Variants in AP1G1 observed in about 807,000 individuals in gnomAD.
AP1G1 encodes AP-1 complex subunit gamma-1.
AP1G1 carries 7 observed loss-of-function variants against 108.3 expected under a neutral mutation model. The ratio of observed to expected loss-of-function variants is 0.06; its 90% CI spans 0.04 to 0.12. The LOEUF (loss-of-function observed/expected upper bound fraction) is 0.12. Among genes scored for constraint, AP1G1 ranks in the 10% least tolerant of loss-of-function variants. AP1G1 has a pLI of 1.00. For synonymous variants in AP1G1, 379 were observed against 353.5 expected (o/e 1.07, Z -0.81); for missense variants, 756 against 1,010.7 (o/e 0.75, Z 3.42).
chr16:71,778,684 A>T (rs2031883555), intron 2 of AP1G1, among the ~76,000 whole-genome samples: 2 of 3,038 alleles, frequency 6.6e-4, no homozygotes, highest in East Asian at 0.17. Context: ...TTCTGTCTTA[A>T]AAAAAAAAAA....
intron 2 of AP1G1, among the ~76,000 whole-genome samples, chr16:71,781,860 CA>C (rs1244223742): frequency 6.6e-6 from 1 of 152,156 alleles, no homozygotes; most frequent in African/African-American, 2.4e-5. Context: ...GAGGCTTGAT[CA>C]AATTCAGACT....
At chr16:71,795,993 T>C (rs979522369) in intron 1 of AP1G1, among the ~76,000 whole-genome samples, 1 of 152,152 alleles carries the variant, frequency 6.6e-6, no homozygotes, top group African/African-American at 2.4e-5. Context: ...TCCCAGCACT[T>C]TGGGAGGCCG....
intron 2 of AP1G1, among the ~76,000 whole-genome samples, chr16:71,781,678 G>A (rs1006091454): frequency 6.6e-6 from 1 of 152,190 alleles, no homozygotes; most frequent in African/African-American, 2.4e-5. Flanking sequence ...ATCTAATTCA[G>A]TCATAACTCA....
intron 1 of AP1G1, chr16:71,806,537 C>T (rs1243400275): frequency 2.6e-6 from 1 of 385,114 alleles, no homozygotes; most frequent in Non-Finnish European, 4.4e-6. Flanking sequence ...CACTGAGCGC[C>T]CGCCTGAATG....
intron 13 of AP1G1, among the ~76,000 whole-genome samples, chr16:71,752,403 C>A (rs374924420): frequency 6.6e-6 from 1 of 152,054 alleles, no homozygotes; most frequent in South Asian, 2.1e-4. Context: ...AACGAGTATG[C>A]CCCAGAGAGA....
intron 13 of AP1G1, chr16:71,751,154 C>CAAAAAAAA (rs397697049): frequency 1.2e-5 from 1 of 83,090 alleles, no homozygotes; most frequent in Non-Finnish European, 2.6e-5. Context: ...GACTCCGTCT[C>CAAAAAAAA]AAAAAAAAAA....
chr16:71,783,119 C>A (rs2032084926), intron 2 of AP1G1, among the ~76,000 whole-genome samples: 1 of 152,122 alleles, frequency 6.6e-6, no homozygotes, highest in African/African-American at 2.4e-5. Context: ...GAAAGCGTGT[C>A]TACTAAACCC....
At chr16:71,774,991 G>C (rs966295139) in intron 2 of AP1G1, among the ~76,000 whole-genome samples, 4 of 144,234 alleles carry the variant, frequency 2.8e-5, no homozygotes, top group Non-Finnish European at 6.1e-5. Flanking sequence ...AAAGTGCTGG[G>C]ATTACAGGCA....
At chr16:71,760,964 A>G (rs2031057715) in intron 10 of AP1G1, among the ~76,000 whole-genome samples, 1 of 152,230 alleles carries the variant, frequency 6.6e-6, no homozygotes, top group Admixed American at 6.5e-5. Context: ...TGATCAATTC[A>G]TTTACCTAAA....
intron 9 of AP1G1, 29 bp downstream of exon 9, chr16:71,764,321 G>A (rs113056637): frequency 2.9e-6 from 4 of 1,364,676 alleles, no homozygotes; most frequent in Admixed American, 3.9e-5. Flanking sequence ...AACATTTAGG[G>A]GGGGAAGAAA....
chr16:71,797,114 T>C (rs925922280), intron 1 of AP1G1, among the ~76,000 whole-genome samples: 8 of 151,698 alleles, frequency 5.3e-5, no homozygotes, highest in Non-Finnish European at 1.2e-4. Flanking sequence ...ACATCTAATC[T>C]GACACTAATG....
intron 9 of AP1G1, among the ~76,000 whole-genome samples, chr16:71,762,380 G>C (rs1457372983): frequency 5.3e-5 from 8 of 152,150 alleles, no homozygotes; most frequent in Admixed American, 5.2e-4. Context: ...TTTCCTGTGT[G>C]ACAGCATCTT....
In AP1G1 at chr16:71,734,612, C is replaced by T. The variant is rs1597029225; in HGVS notation, c.2364G>A (p.Gln788=). Residue 788 remains glutamine, a synonymous_variant, in exon 22 of 23, where the codon CAG becomes CAA. Transcript: ENST00000299980. ...TGGCTACAAATGTGCTACTCACCTTCTGAGGGTTCAGAACTTTAATGACTT... is the reference window on the plus strand; with the variant it reads ...TGGCTACAAATGTGCTACTCACCTTTTGAGGGTTCAGAACTTTAATGACTT... The part of the protein sequence containing the change: ...ITQVIKVLNP[Q]KQQLRMRIKL... 6.2e-7 allele frequency: 1 copy of T among 1,609,246 alleles called. No homozygotes were observed. The highest frequency in any genetic ancestry group is 8.5e-7 in the Non-Finnish European group (1 of 1,175,504).
rs752483583 is a variant in AP1G1 at position 71,764,675 on chromosome 16, T to C, written c.790A>G (p.Ser264Gly). 1 of 1,611,490 alleles carries C rather than the reference T, an allele frequency of 6.2e-7. No individual in the cohort carries two copies. Among genetic ancestry groups the C allele is most frequent in the Non-Finnish European group, 8.5e-7 (1 of 1,179,274 alleles). ...GCTAATATATCATTCATAGCTTCACTTGAATCATCATCATTTCGTCCTAAA... is the reference window on the plus strand; with the variant it reads ...GCTAATATATCATTCATAGCTTCACCTGAATCATCATCATTTCGTCCTAAA... Reference protein sequence around the residue: ...RILGRNDDDSSEAMNDILAQV... With the variant: ...RILGRNDDDSGEAMNDILAQV... The change falls in exon 8 of 23, where the codon AGT becomes GGT. Residue 264 changes from serine (S) to glycine (G), a missense_variant. Coordinates refer to ENST00000299980, the MANE Select transcript of AP1G1 (RefSeq NM_001128.6).
At chr16:71,787,439 C>T (rs569642197) in intron 2 of AP1G1, among the ~76,000 whole-genome samples, 1 of 152,130 alleles carries the variant, frequency 6.6e-6, no homozygotes, top group South Asian at 2.1e-4. Context: ...GACAGTGAGC[C>T]ATCACAGAGC....
At chr16:71,782,001 A>C (rs970030213) in intron 2 of AP1G1, among the ~76,000 whole-genome samples, 2 of 152,240 alleles carry the variant, frequency 1.3e-5, no homozygotes, top group African/African-American at 4.8e-5. Flanking sequence ...TGACATTAGC[A>C]GCAACTGACG....
intron 19 of AP1G1, chr16:71,743,097 A>C (rs1442164999): frequency 1.3e-5 from 2 of 152,206 alleles, no homozygotes; most frequent in African/African-American, 4.8e-5. Flanking sequence ...TTAACATGGA[A>C]ATACTAACAT....
intron 4 of AP1G1, among the ~76,000 whole-genome samples, 193 bp from the exon 5 acceptor site, chr16:71,771,445 G>A (rs1417321675): frequency 6.6e-6 from 1 of 152,070 alleles, no homozygotes; most frequent in Non-Finnish European, 1.5e-5. Context: ...AGCACTTTGG[G>A]AGCCCCAAGG....
At chr16:71,762,489 T>C (rs2031134037) in intron 9 of AP1G1, among the ~76,000 whole-genome samples, 1 of 152,194 alleles carries the variant, frequency 6.6e-6, no homozygotes, top group Non-Finnish European at 1.5e-5. Context: ...ATTGGAACTT[T>C]CAGTCTCATC....
Sources: allele counts gnomAD v4.1 joint callset (sites outside exome capture counted in the v4.1 genomes callset), GRCh38; gene constraint gnomAD v4.1.1; transcripts MANE v1.5; gene names NCBI Gene and HGNC (gene_info 2026-07-23, HGNC 2026-07-21).